NLK: variants seen among roughly 807,000 people sequenced by gnomAD.
NLK encodes the protein serine/threonine-protein kinase NLK.
NLK carries 11 observed loss-of-function variants against 59.0 expected under a neutral mutation model. The observed-to-expected ratio is 0.19, with a 90% CI of 0.12 to 0.31. The LOEUF (loss-of-function observed/expected upper bound fraction) is 0.31. Ranked by LOEUF, NLK falls within the 10% of genes least tolerant of loss-of-function variation. The pLI, the probability that NLK is intolerant of heterozygous loss-of-function variation, is 1.00. For synonymous variants in NLK, 235 were observed against 235.9 expected (o/e 1.00, Z 0.03); for missense variants, 410 against 661.1 (o/e 0.62, Z 4.16).
chr17:28,164,436 T>G (rs1438930885), intron 5 of NLK, among the ~76,000 whole-genome samples: 2 of 151,866 alleles, frequency 1.3e-5, no homozygotes, highest in African/African-American at 4.8e-5. Flanking sequence ...ATCCAATGTA[T>G]TTCCATAATG....
At position 28,167,062 on chromosome 17, in the gene NLK, A is replaced by G. The variant is rs1000165961; in HGVS notation, c.838-1386A>G. ...TATTCATGGAATGCCTAAAGTCAGAAGTAGATTCAACTGGAGTCAGTTTGA... is the reference window on the plus strand; with the variant it reads ...TATTCATGGAATGCCTAAAGTCAGAGGTAGATTCAACTGGAGTCAGTTTGA... On this transcript the variant is annotated intron_variant, in intron 5 of 10. Coordinates refer to ENST00000407008, the MANE Select transcript of NLK (RefSeq NM_016231.5). 2.6e-5 allele frequency among the ~76,000 whole-genome samples: 4 copies of G among 152,326 alleles called. No individual in the cohort carries two copies. In the South Asian group the frequency reaches 8.3e-4, roughly 32 times the overall value.
rs533117332 is a variant in NLK at position 28,155,699 on chromosome 17, A to G, written c.645-5461A>G. On this transcript the variant is annotated intron_variant, in intron 3 of 10. Transcript: ENST00000407008. The stretch of plus-strand genomic sequence containing the variant: ...ACAAGGGCAGAAAACCAAACACCGC[A>G]TGTTCTCACTCATAGGTGGGAATTG... 5.3e-5 allele frequency among the ~76,000 whole-genome samples: 8 copies of G among 151,542 alleles called. No individual in the cohort carries two copies. The East Asian group carries it at 1.4e-3, about 26-fold the overall frequency.
At chr17:28,085,253 A>G (rs1408580830) in intron 1 of NLK, among the ~76,000 whole-genome samples, 1 of 152,208 alleles carries the variant, frequency 6.6e-6, no homozygotes, top group Non-Finnish European at 1.5e-5. Context: ...GGAGTGAATA[A>G]AGTTTACATC....
intron 6 of NLK, among the ~76,000 whole-genome samples, 183 bp downstream of exon 6, chr17:28,168,840 A>G (rs1327255074): frequency 6.6e-6 from 1 of 152,206 alleles, no homozygotes; most frequent in Non-Finnish European, 1.5e-5. Context: ...TTTGTAACTT[A>G]TGAGCCTTTA....
chr17:28,111,941 G>GTGTGTGTGTGTA (rs1905539054), intron 1 of NLK, among the ~76,000 whole-genome samples: 1 of 144,582 alleles, frequency 6.9e-6, no homozygotes, highest in East Asian at 2.0e-4. Context: ...GTGTGTGTGT[G>GTGTGTGTGTGTA]TGTGTATGTG....
intron 3 of NLK, among the ~76,000 whole-genome samples, chr17:28,141,152 A>G (rs548509028): frequency 1.3e-5 from 2 of 152,342 alleles, no homozygotes; most frequent in South Asian, 4.1e-4. Flanking sequence ...TGTATCATCT[A>G]TCTAGACAGA....
chr17:28,144,169 A>G (rs1351723721), intron 3 of NLK, among the ~76,000 whole-genome samples: 1 of 152,120 alleles, frequency 6.6e-6, no homozygotes, highest in Non-Finnish European at 1.5e-5. Flanking sequence ...TCCCCTTCCT[A>G]TGCCATGTAG....
chr17:28,122,047 A>G (rs1906087796), intron 1 of NLK, among the ~76,000 whole-genome samples: 1 of 152,212 alleles, frequency 6.6e-6, no homozygotes, highest in South Asian at 2.1e-4. Context: ...CTCGGGAGCT[A>G]CAGGGATCCC....
At chr17:28,201,382 C>CTTT in the NLK span, among the ~76,000 whole-genome samples, 26 of 126,882 alleles carry the variant, frequency 2.0e-4, no homozygotes, top group African/African-American at 6.2e-4. Flanking sequence ...TGCACCTGGT[C>CTTT]TTTTTTTTTT....
At chr17:28,084,232 G>A (rs1211821843) in intron 1 of NLK, among the ~76,000 whole-genome samples, 2 of 152,134 alleles carry the variant, frequency 1.3e-5, no homozygotes, top group Non-Finnish European at 2.9e-5. Flanking sequence ...AAGACCCTAC[G>A]TTACATGGTT....
chr17:28,187,878 A>G (rs534564001), intron 8 of NLK, among the ~76,000 whole-genome samples: 1 of 152,308 alleles, frequency 6.6e-6, no homozygotes, highest in African/African-American at 2.4e-5. Flanking sequence ...TTTGGAACCT[A>G]TGTAAGTAAC....
rs1290341623 is a variant in NLK, at chr17:28,178,095, T to C, written c.1149+5477T>C. Among the ~76,000 whole-genome samples the C allele has an allele frequency of 1.1e-4, 17 of 152,226 alleles. 1 individual carries two copies. Among genetic ancestry groups the C allele is most frequent in the Non-Finnish European group, 2.9e-5 (2 of 68,044 alleles). ...ACTGTGTCATATGTGACCTCCTAGC[T>C]GCAAAACAGGCTAATAAAGTGAGTA... On this transcript the variant is annotated intron_variant, in intron 7 of 10. Coordinates refer to ENST00000407008, the MANE Select transcript of NLK (RefSeq NM_016231.5).
downstream of NLK, among the ~76,000 whole-genome samples, chr17:28,199,403 C>A (rs1031627644): frequency 1.3e-5 from 2 of 152,030 alleles, no homozygotes; most frequent in African/African-American, 4.8e-5. Flanking sequence ...CAGTGGCTCA[C>A]ACCTATAATC....
At chr17:28,168,713 T>G in intron 6 of NLK, 56 bp downstream of exon 6, 1 of 1,380,058 alleles carries the variant, frequency 7.2e-7, no homozygotes, top group Non-Finnish European at 1.0e-6. Context: ...TGAAGGAAAA[T>G]CCATCTTGCA....
At position 28,132,636 on chromosome 17, in the gene NLK, A is replaced by G; in HGVS notation, c.605A>G (p.Asp202Gly). 6.2e-7 allele frequency: 1 copy of G among 1,610,436 alleles called. No individual in the cohort carries two copies. Among genetic ancestry groups the G allele is most frequent in the Non-Finnish European group, 8.5e-7 (1 of 1,178,146 alleles). The change falls in exon 3 of 11, where the codon GAC becomes GGC. Residue 202 changes from aspartate (D) to glycine (G), a missense_variant. Asp to Gly is a moderately conservative substitution (Grantham distance 94, BLOSUM62 -1). This residue lies in a region of NLK where 73 missense variants were observed against 197.2 expected (regional missense o/e 0.37). Transcript: ENST00000407008. Reference sequence around the variant, plus strand: ...TTTTCTCAGGTACTCTCTGCCCTTGACATACTCCAACCTCCACACATTGAC... The same window carrying G: ...TTTTCTCAGGTACTCTCTGCCCTTGGCATACTCCAACCTCCACACATTGAC... ...FKHDNVLSAL[D>G]ILQPPHIDYF...
At chr17:28,151,014 G>C (rs971353529) in intron 3 of NLK, among the ~76,000 whole-genome samples, 5 of 152,142 alleles carry the variant, frequency 3.3e-5, no homozygotes, top group African/African-American at 1.2e-4. Context: ...GACCAGGAGA[G>C]GGAAGGAGCA....
intron 1 of NLK, among the ~76,000 whole-genome samples, chr17:28,111,861 CGTGTGTGTGTGTGTGTGTGTGTGTGT>C (rs144479598): frequency 1.3e-5 from 1 of 74,116 alleles, no homozygotes; most frequent in South Asian, 5.4e-4. Flanking sequence ...AGGCTTATAC[CGTGTGTGTGTGTGTGTGTGTGTGTGT>C]GTGTGTGTGG....
At chr17:28,160,967 T>A (rs1006176577) in intron 3 of NLK, among the ~76,000 whole-genome samples, 193 bp from the exon 4 acceptor site, 4 of 152,232 alleles carry the variant, frequency 2.6e-5, no homozygotes, top group Non-Finnish European at 5.9e-5. Flanking sequence ...TGCTGACTTT[T>A]AAACATGTAA....
At position 28,185,166 on chromosome 17, in the gene NLK, A is replaced by T; in HGVS notation, c.1150-13A>T. The stretch of plus-strand genomic sequence containing the variant: ...GACTCACTTAAATATTTGAATTTTT[A>T]ATTTTTTCACAGCCATCTCTTCCTG... On this transcript the variant is annotated splice_polypyrimidine_tract_variant and intron_variant, in intron 7 of 10. Transcript: ENST00000407008. The T allele has an allele frequency of 6.6e-7, 1 of 1,511,458 alleles. No individual in the cohort carries two copies. Among genetic ancestry groups the T allele is most frequent in the South Asian group, 1.3e-5 (1 of 78,362 alleles). 93.6% of individuals were successfully genotyped at this position (1,511,458 alleles called of 1,614,324 possible). A position where few individuals can be genotyped will look rare whatever the true frequency, so the allele number is the denominator to read the frequency against.
Sources: allele counts gnomAD v4.1 joint callset (sites outside exome capture counted in the v4.1 genomes callset), GRCh38; gene constraint gnomAD v4.1.1; regional missense constraint gnomAD v4.1.1; transcripts MANE v1.5; gene names NCBI Gene and HGNC (gene_info 2026-07-23, HGNC 2026-07-21).